The following POLR1A variants were observed in gnomAD, a reference collection of about 807,000 sequenced individuals.
The protein encoded by POLR1A is RNA polymerase I subunit A.
POLR1A carries 84 observed loss-of-function variants against 205.3 expected under a neutral mutation model. The ratio of observed to expected loss-of-function variants is 0.41; its 90% confidence interval spans 0.34 to 0.49. The LOEUF is 0.49. POLR1A is among the 20% of genes least tolerant of loss of function. POLR1A has a pLI of 0.22. For missense variants in POLR1A, 1,645 were observed against 2,204.5 expected, an observed-to-expected ratio of 0.75 and a Z score of 5.08; for synonymous variants, 799 against 863.7, an observed-to-expected ratio of 0.93 and a Z score of 1.31.
Position 86,052,864 on chromosome 2 carries a change from G to C in POLR1A, c.2345C>G (p.Ala782Gly). Residue 782 changes from alanine (A) to glycine (G), a missense_variant, in exon 16 of 34, where the codon GCC becomes GGC. Around this residue, in one of 16 missense-constraint regions of POLR1A, gnomAD observed 339 missense variants for 415.1 expected, o/e 0.82. Coordinates refer to ENST00000263857, the MANE Select transcript of POLR1A (RefSeq NM_015425.6). ...CTGCAGGTAGGCGGTGAAGAGGCGG[G>C]CCAGGCAGGTTAGAACCTTGCCGCT... is the stretch of plus-strand genomic sequence containing the variant. ...ETSGKVLTCL[A>G]RLFTAYLQLY... The C allele has an allele frequency of 6.3e-7, 1 of 1,597,664 alleles. No individual in the cohort carries two copies. The highest frequency in any genetic ancestry group is 8.5e-7 in the Non-Finnish European group (1 of 1,171,622).
At chr2:86,098,549 ATCTCTTGT>A in intron 3 of POLR1A, 54 bp downstream of exon 3, 1 of 1,530,590 alleles carries the variant, frequency 6.5e-7, no homozygotes, top group South Asian at 1.2e-5. Context: ...ACATACAAGC[ATCTCTTGT>A]TCCCCACACC....
intron 6 of POLR1A, 126 bp from the exon 7 acceptor site, chr2:86,083,294 A>G (rs983686786): frequency 2.1e-5 from 15 of 698,124 alleles, no homozygotes; most frequent in Non-Finnish European, 3.6e-5. Context: ...CAAGGGTAGC[A>G]TATTATCAGG....
At chr2:86,040,617 C>A (rs926235744) in intron 24 of POLR1A, 58 bp from the exon 25 acceptor site, 2 of 1,329,058 alleles carry the variant, frequency 1.5e-6, no homozygotes, top group African/African-American at 2.9e-5. Context: ...GGAGCAGACA[C>A]CACAGACTGT....
At position 86,023,395 on chromosome 2, in the gene POLR1A, T is replaced by G. The variant is rs1690188855; in HGVS notation, c.*4028A>C. On this transcript the variant is annotated 3_prime_UTR_variant, in exon 34 of 34. Transcript: ENST00000263857. ...TCTATTTCAAGAGCAGTCTGGACTC[T>G]GACAGCCCCTGATTCAGGTGCAAAC... The G allele has an allele frequency of 6.6e-6, 1 of 152,188 alleles. No individual in the cohort carries two copies. The highest frequency in any genetic ancestry group is 6.5e-5 in the Admixed American group (1 of 15,282). 9.4% of individuals were successfully genotyped at this position (152,188 alleles called of 1,614,324 possible). A position where few individuals can be genotyped will look rare whatever the true frequency, so the allele number is the denominator to read the frequency against.
intron 31 of POLR1A, among the ~76,000 whole-genome samples, chr2:86,029,655 G>A (rs754903904): frequency 1.4e-4 from 21 of 149,474 alleles, no homozygotes; most frequent in Non-Finnish European, 2.7e-4. Context: ...GGAGTGCAGC[G>A]GCGCAATCTT....
Position 86,039,508 on chromosome 2 carries a change from C to A in POLR1A, c.3741-46G>T, listed in dbSNP as rs1672561680. ...ATCCAATCATGAGTGGCAACCAGAC[C>A]TTCTGTTTGGGTGCAGCTTCTCCTA... On this transcript the variant is annotated intron_variant, in intron 25 of 33. Coordinates refer to ENST00000263857, the MANE Select transcript of POLR1A (RefSeq NM_015425.6). The A allele has an allele frequency of 3.1e-6, 5 of 1,610,302 alleles. No homozygotes were observed. In the South Asian group the frequency reaches 5.5e-5, roughly 18 times the overall value.
chr2:86,065,285 T>C lies in POLR1A; in HGVS notation c.2047A>G (p.Thr683Ala), dbSNP rs1673066804. The change falls in exon 14 of 34, where the codon ACA becomes GCA. Residue 683 changes from threonine (T) to alanine (A), a missense_variant. Around this residue, in one of 16 missense-constraint regions of POLR1A, gnomAD observed 339 missense variants for 415.1 expected, o/e 0.82. Coordinates refer to ENST00000263857, the MANE Select transcript of POLR1A (RefSeq NM_015425.6). ...TCTCTCCCAATTACCTGTTTTCCTG[T>C]CCACAGCGGAAAGGGCTTCAGGATG... is the stretch of plus-strand genomic sequence containing the variant. ...PSILKPFPLWTGKQVVSTLLI... is the reference protein window; with the variant it reads ...PSILKPFPLWAGKQVVSTLLI... 1 of 1,613,660 alleles carries C rather than the reference T, an allele frequency of 6.2e-7. No homozygotes were observed. Among genetic ancestry groups the C allele is most frequent in the Non-Finnish European group, 8.5e-7 (1 of 1,179,812 alleles).
chr2:86,040,037 T>C (rs1672571729), intron 25 of POLR1A: 1 of 221,466 alleles, frequency 4.5e-6, no homozygotes, highest in Non-Finnish European at 8.9e-6. Flanking sequence ...GGGCACGTTC[T>C]ATGTGAATGG....
chr2:86,057,725 C>T (rs1268565538), intron 14 of POLR1A, among the ~76,000 whole-genome samples: 8 of 152,128 alleles, frequency 5.3e-5, no homozygotes, highest in African/African-American at 1.9e-4. Flanking sequence ...TTTGATACAA[C>T]TTATATGAAA....
At chr2:86,054,999 T>C (rs1672872716) in intron 14 of POLR1A, among the ~76,000 whole-genome samples, 1 of 152,124 alleles carries the variant, frequency 6.6e-6, no homozygotes, top group African/African-American at 2.4e-5. Context: ...CAAAGTAGTG[T>C]CTTTAGATGT....
At chr2:86,041,845 G>T in intron 24 of POLR1A, 44 bp downstream of exon 24, 1 of 1,522,138 alleles carries the variant, frequency 6.6e-7, no homozygotes, top group Non-Finnish European at 9.1e-7. Flanking sequence ...GGGCTAGGAG[G>T]CAGATTCTCC....
chr2:86,083,970 T>A (rs1346100295), intron 6 of POLR1A, among the ~76,000 whole-genome samples: 1 of 152,146 alleles, frequency 6.6e-6, no homozygotes, highest in Non-Finnish European at 1.5e-5. Flanking sequence ...GCATTTAAGA[T>A]GATTACCTAA....
In POLR1A at chr2:86,027,363, GGCTGGGCCAC is replaced by G; in HGVS notation, c.*50_*59del. 2.2e-6 allele frequency: 3 copies of G among 1,371,004 alleles called. No individual in the cohort carries two copies. The highest frequency in any genetic ancestry group is 3.1e-6 in the Non-Finnish European group (3 of 958,206). 84.9% of individuals were successfully genotyped at this position (1,371,004 alleles called of 1,614,324 possible). On this transcript the variant is annotated 3_prime_UTR_variant, in exon 34 of 34. Coordinates refer to ENST00000263857, the MANE Select transcript of POLR1A (RefSeq NM_015425.6). Reference sequence around the variant, plus strand: ...TCCTGGTCCTCTCATGCAGAAGGCAGGCTGGGCCACGCCCTCACCAAGGGTCCTTGGAGCT... The same window carrying G: ...TCCTGGTCCTCTCATGCAGAAGGCAGGCCCTCACCAAGGGTCCTTGGAGCT...
intron 16 of POLR1A, among the ~76,000 whole-genome samples, chr2:86,049,917 T>TG (rs1553434438): frequency 5.3e-5 from 8 of 152,054 alleles, no homozygotes; most frequent in African/African-American, 1.9e-4. Flanking sequence ...TAGTGTTTTT[T>TG]TTTTTGTTTT....
intron 26 of POLR1A, 34 bp from the exon 27 acceptor site, chr2:86,038,891 T>C (rs747365183): frequency 6.2e-7 from 1 of 1,609,936 alleles, no homozygotes; most frequent in Admixed American, 1.7e-5. Flanking sequence ...ACTTGACTTG[T>C]TCAGGTCCTA....
rs765358583 is a variant in POLR1A, at chr2:86,039,333, C to T, written c.3870G>A (p.Leu1290=). The T allele has an allele frequency of 6.2e-7, 1 of 1,613,850 alleles. No homozygotes were observed. Among genetic ancestry groups the T allele is most frequent in the Non-Finnish European group, 8.5e-7 (1 of 1,180,010 alleles). ...SLKKQLTRVC[L]GEVLQKIDVQ... ...TGGGAAGGAGAGACGTTACCTCCCC[C>T]AAGCACACCCTGGTGAGTTGCTTCT... The change falls in exon 26 of 34, where the codon TTG becomes TTA. Residue 1290 remains leucine, a synonymous_variant. Coordinates refer to ENST00000263857, the MANE Select transcript of POLR1A (RefSeq NM_015425.6).
intron 14 of POLR1A, among the ~76,000 whole-genome samples, chr2:86,054,751 C>T (rs1266402324): frequency 6.6e-6 from 1 of 152,246 alleles, no homozygotes; most frequent in Non-Finnish European, 1.5e-5. Context: ...ATCCACCCAA[C>T]AAGCACTGCT....
intron 3 of POLR1A, among the ~76,000 whole-genome samples, chr2:86,097,617 T>C (rs544254898): frequency 6.6e-6 from 1 of 152,286 alleles, no homozygotes; most frequent in South Asian, 2.1e-4. Flanking sequence ...TGGAGGACAT[T>C]ACGTGAAATA....
intron 7 of POLR1A, among the ~76,000 whole-genome samples, chr2:86,082,108 T>C (rs993173792): frequency 7.2e-5 from 11 of 152,120 alleles, no homozygotes; most frequent in African/African-American, 2.2e-4. Flanking sequence ...ATTGCTGTGA[T>C]TGGAGGCATG....
Sources: allele counts gnomAD v4.1 joint callset (sites outside exome capture counted in the v4.1 genomes callset), GRCh38; gene constraint gnomAD v4.1.1; regional missense constraint gnomAD v4.1.1; transcripts MANE v1.5; gene names NCBI Gene and HGNC (gene_info 2026-07-23, HGNC 2026-07-21).